The following SOCS7 variants were observed in gnomAD, a reference collection of about 807,000 sequenced individuals.
The protein encoded by SOCS7 is suppressor of cytokine signaling 7, also known as NAP-4.
Under a neutral mutation model 58.9 loss-of-function variants are expected in SOCS7, and 18 were observed. That is an observed-to-expected ratio of 0.31 (90% CI 0.21 to 0.45). The LOEUF is 0.45. Among genes scored for constraint, SOCS7 ranks in the 20% least tolerant of loss-of-function variants. The pLI is 1.00. For missense variants in SOCS7, 667 were observed against 837.3 expected, an observed-to-expected ratio of 0.80 and a Z score of 2.51; for synonymous variants, 388 against 364.3, an observed-to-expected ratio of 1.06 and a Z score of -0.74.
At chr17:38,388,623 T>C (rs1271945367) in intron 7 of SOCS7, among the ~76,000 whole-genome samples, 1 of 152,208 alleles carries the variant, frequency 6.6e-6, no homozygotes, top group African/African-American at 2.4e-5. Flanking sequence ...CACACCAAAA[T>C]GAAAACCTCA....
chr17:38,353,724 G>A lies in SOCS7; in HGVS notation c.980+692G>A, dbSNP rs578206028. Among the ~76,000 whole-genome samples the A allele has an allele frequency of 3.9e-5, 6 of 152,110 alleles. No individual in the cohort carries two copies. The East Asian group carries it at 9.7e-4, about 24-fold the overall frequency. On this transcript the variant is annotated intron_variant, in intron 1 of 9. Transcript: ENST00000612932. Reference sequence around the variant, plus strand: ...TTTGAGACCAGCCTGGGCAACATGCGAAACCCCATCTCTACAAAACAAACA... The same window carrying A: ...TTTGAGACCAGCCTGGGCAACATGCAAAACCCCATCTCTACAAAACAAACA...
intron 9 of SOCS7, among the ~76,000 whole-genome samples, chr17:38,398,134 C>T (rs534796437): frequency 2.6e-5 from 4 of 151,948 alleles, no homozygotes; most frequent in Non-Finnish European, 5.9e-5. Context: ...GCTGTGACAT[C>T]AGTATTGATG....
chr17:38,389,591 A>G (rs556994772), intron 7 of SOCS7, among the ~76,000 whole-genome samples: 2 of 151,846 alleles, frequency 1.3e-5, no homozygotes, highest in African/African-American at 4.8e-5. Context: ...CTTGTCAGAT[A>G]TAAATTACAA....
chr17:38,387,378 T>C (rs1365383616), intron 7 of SOCS7, among the ~76,000 whole-genome samples: 1 of 144,774 alleles, frequency 6.9e-6, no homozygotes, highest in Non-Finnish European at 1.5e-5. Context: ...ACCTGGGAAG[T>C]GGAGATTACA....
In SOCS7 at chr17:38,365,379, C is replaced by G. The variant is rs2037775972; in HGVS notation, c.1222C>G (p.Leu408Val). Residue 408 changes from leucine to valine, a missense_variant, in exon 4 of 10, where the codon CTA (leucine) becomes GTA (valine). Transcript: ENST00000612932. The stretch of plus-strand genomic sequence containing the variant: ...GGGGTCTTCCTTGCAGTCTTTCCCC[C>G]TACCTCCGCCTCCTCCACCCCATGC... ...PMGSSLQSFP[L>V]PPPPPPHAPD... 1.2e-6 allele frequency: 2 copies of G among 1,612,690 alleles called. No individual in the cohort carries two copies. The highest frequency in any genetic ancestry group is 2.2e-5 in the South Asian group (2 of 90,798).
At chr17:38,371,290 T>A (rs1255263495) in intron 6 of SOCS7, among the ~76,000 whole-genome samples, 2 of 151,772 alleles carry the variant, frequency 1.3e-5, no homozygotes. Context: ...TTTTTTTTTT[T>A]TTGAGACGGA....
At chr17:38,376,975 C>CA (rs905678823) in intron 6 of SOCS7, among the ~76,000 whole-genome samples, 1 of 152,170 alleles carries the variant, frequency 6.6e-6, no homozygotes, top group Non-Finnish European at 1.5e-5. Context: ...AGCACAGTAA[C>CA]ATGCTATACA....
rs999903829 is a variant in SOCS7 at position 38,400,767 on chromosome 17, C to T, written c.*1285C>T. ...TGCCAGATGCCGATTTGAGAGCTGC[C>T]TGTCCCTGCTTTCAGGAGGAGCGGG... On this transcript the variant is annotated 3_prime_UTR_variant, in exon 10 of 10. Transcript: ENST00000612932. The T allele has an allele frequency of 6.6e-6, 1 of 152,244 alleles. No individual in the cohort carries two copies. The highest frequency in any genetic ancestry group is 6.5e-5 in the Admixed American group (1 of 15,284). 9.4% of individuals were successfully genotyped at this position (152,244 alleles called of 1,614,324 possible). A position where few individuals can be genotyped will look rare whatever the true frequency, so the allele number is the denominator to read the frequency against.
intron 6 of SOCS7, among the ~76,000 whole-genome samples, chr17:38,377,175 G>A (rs1232004346): frequency 3.3e-5 from 5 of 152,188 alleles, no homozygotes; most frequent in Admixed American, 6.5e-5. Flanking sequence ...TATATAGAGA[G>A]AGGAAGCCTG....
Position 38,365,528 on chromosome 17 carries a change from C to A in SOCS7, c.1252+119C>A, listed in dbSNP as rs587607111. The A allele has an allele frequency of 4.5e-5, 28 of 629,120 alleles. 1 individual carries two copies. In the South Asian group the frequency reaches 8.1e-4, roughly 18 times the overall value. The allele number at this position is 629,120 out of a possible 1,614,324, so 39.0% of individuals were successfully genotyped here. On this transcript the variant is annotated intron_variant, in intron 4 of 9. Coordinates refer to ENST00000612932, the MANE Select transcript of SOCS7 (RefSeq NM_014598.4). ...TAACAGCTTAGTAGAAAGTTTAAAT[C>A]TTTTCCCCTTGGCTGGACCAGACTC...
intron 7 of SOCS7, among the ~76,000 whole-genome samples, chr17:38,380,104 A>C (rs1409232751): frequency 6.6e-6 from 1 of 152,134 alleles, no homozygotes; most frequent in Non-Finnish European, 1.5e-5. Flanking sequence ...TATTGAGAAA[A>C]CTTCGTGGAA....
rs577402818 is a variant in SOCS7 at position 38,394,319 on chromosome 17, A to C, written c.1682-990A>C. On this transcript the variant is annotated intron_variant, in intron 7 of 9. Transcript: ENST00000612932. ...AAGCGATTGTAGTTGTTCTTTTAAA[A>C]GCATCATCTTTTTTTGGTCTCCTGG... Among the ~76,000 whole-genome samples the C allele has an allele frequency of 2.6e-5, 4 of 152,354 alleles. No individual in the cohort carries two copies. The South Asian group carries it at 8.3e-4, about 32-fold the overall frequency.
intron 4 of SOCS7, chr17:38,366,064 G>T: frequency 7.8e-7 from 1 of 1,273,964 alleles, no homozygotes; most frequent in Non-Finnish European, 1.0e-6. Context: ...CCCCTTTCTT[G>T]GGGTCAAGTG....
chr17:38,387,989 C>A (rs1176097076), intron 7 of SOCS7, among the ~76,000 whole-genome samples: 6 of 151,786 alleles, frequency 4.0e-5, no homozygotes, highest in Admixed American at 2.6e-4. Flanking sequence ...CCAGGCTGGT[C>A]TCGAACTCCT....
rs1039426389 is a variant in SOCS7, at chr17:38,396,624, C to T, written c.*30+626C>T. ...GCTCTTCTCCCATCATTACACAGTT[C>T]TACCCATTTATTTTCCCATAAAACA... is the stretch of plus-strand genomic sequence containing the variant. On this transcript the variant is annotated intron_variant, in intron 9 of 9. Coordinates refer to ENST00000612932, the MANE Select transcript of SOCS7 (RefSeq NM_014598.4). Among the ~76,000 whole-genome samples, 5 of 152,202 alleles carry T rather than the reference C, an allele frequency of 3.3e-5. No individual in the cohort carries two copies. The East Asian group carries it at 5.8e-4, about 18-fold the overall frequency.
intron 7 of SOCS7, among the ~76,000 whole-genome samples, chr17:38,387,731 T>C (rs2038098870): frequency 8.1e-6 from 1 of 123,648 alleles, no homozygotes; most frequent in South Asian, 2.2e-4. Flanking sequence ...ATATATTATA[T>C]ACATATAAAA....
chr17:38,382,863 T>G (rs556978525), intron 7 of SOCS7, among the ~76,000 whole-genome samples: 1 of 152,310 alleles, frequency 6.6e-6, no homozygotes, highest in East Asian at 1.9e-4. Flanking sequence ...ACTTGTTCAG[T>G]GACATGTCTT....
At position 38,395,373 on chromosome 17, in the gene SOCS7, C is replaced by T. The variant is rs201020366; in HGVS notation, c.1746C>T (p.Leu582=). The T allele has an allele frequency of 2.4e-5, 38 of 1,614,058 alleles. No individual in the cohort carries two copies. Among genetic ancestry groups the T allele is most frequent in the Non-Finnish European group, 3.0e-5 (35 of 1,180,012 alleles). The stretch of plus-strand genomic sequence containing the variant: ...CCCGATTCAGCAATGTCAAATCCCT[C>T]CAGCACCTTTGCAGATTCCGGATAC... ...PVSRFSNVKS[L]QHLCRFRIRQ... The change falls in exon 8 of 10, where the codon CTC becomes CTT. Residue 582 remains leucine, a synonymous_variant. Transcript: ENST00000612932.
intron 6 of SOCS7, among the ~76,000 whole-genome samples, chr17:38,371,758 T>TG (rs1567742021): frequency 1.3e-5 from 2 of 148,756 alleles, no homozygotes; most frequent in Non-Finnish European, 3.0e-5. Context: ...TTTTGTGTTT[T>TG]TTTTTTTTTT....
Sources: allele counts gnomAD v4.1 joint callset (sites outside exome capture counted in the v4.1 genomes callset), GRCh38; gene constraint gnomAD v4.1.1; transcripts MANE v1.5; gene names NCBI Gene and HGNC (gene_info 2026-07-23, HGNC 2026-07-21).